Variants in TOM1 observed in about 807,000 individuals in gnomAD.
TOM1 encodes the protein target of myb1 membrane trafficking protein.
TOM1 carries 38 observed loss-of-function variants against 61.3 expected under a neutral mutation model. That is an observed-to-expected ratio of 0.62 (90% CI 0.48 to 0.81). The LOEUF (loss-of-function observed/expected upper bound fraction) is 0.81, where lower values mean the gene tolerates loss of function less well. TOM1 is among the 40% of genes least tolerant of loss of function. The probability of loss-of-function intolerance (pLI) is 0.00; values close to 1 mark genes in which losing one functional copy is unlikely to be tolerated. For missense variants in TOM1, 591 were observed against 659.6 expected, an observed-to-expected ratio of 0.90 and a Z score of 1.14; for synonymous variants, 270 against 268.8, an observed-to-expected ratio of 1.00 and a Z score of -0.04.
At chr22:35,331,604 C>T (rs1928850880) in intron 8 of TOM1, 1 of 240,480 alleles carries the variant, frequency 4.2e-6, no homozygotes, top group South Asian at 4.0e-5. Flanking sequence ...AGGAGAAGGG[C>T]TGGGCGCAGT....
intron 7 of TOM1, among the ~76,000 whole-genome samples, chr22:35,328,313 G>A (rs1928518850): frequency 1.3e-5 from 2 of 152,226 alleles, no homozygotes; most frequent in Non-Finnish European, 2.9e-5. Flanking sequence ...AAGGCCATGA[G>A]ATGTGAGCAG....
chr22:35,312,048 T>G (rs1427194329), intron 1 of TOM1, among the ~76,000 whole-genome samples: 1 of 149,520 alleles, frequency 6.7e-6, no homozygotes, highest in East Asian at 2.0e-4. Context: ...AGGTCAGGAG[T>G]TCAAGACCAG....
chr22:35,346,443 T>G (rs1930507113), intron 13 of TOM1, among the ~76,000 whole-genome samples: 1 of 152,228 alleles, frequency 6.6e-6, no homozygotes, highest in Non-Finnish European at 1.5e-5. Flanking sequence ...GACTCAGGCT[T>G]TCTGTCTGGT....
chr22:35,315,453 G>C (rs546959050), intron 1 of TOM1, among the ~76,000 whole-genome samples: 1 of 152,152 alleles, frequency 6.6e-6, no homozygotes, highest in Non-Finnish European at 1.5e-5. Flanking sequence ...TGTTTGGCCC[G>C]CTCTGTTCTT....
At chr22:35,331,429 C>A (rs1928838712) in intron 8 of TOM1, 1 of 417,066 alleles carries the variant, frequency 2.4e-6, no homozygotes, top group Non-Finnish European at 4.8e-6. Flanking sequence ...TTGTATCATT[C>A]TGTTCAAGAG....
chr22:35,332,985 G>A lies in TOM1; in HGVS notation c.904G>A (p.Glu302Lys). The A allele has an allele frequency of 3.1e-6, 5 of 1,614,182 alleles. No homozygotes were observed. Among genetic ancestry groups the A allele is most frequent in the Non-Finnish European group, 4.2e-6 (5 of 1,180,026 alleles). Reference protein sequence around the residue: ...NNVFLRHERFERFRTGQTTKA... With the variant: ...NNVFLRHERFKRFRTGQTTKA... ...CGTGTCTTTTCTGTCTTGTAGGTTTGAACGGTTCCGAACAGGCCAGACCAC... is the reference window on the plus strand; with the variant it reads ...CGTGTCTTTTCTGTCTTGTAGGTTTAAACGGTTCCGAACAGGCCAGACCAC... Residue 302 changes from glutamate to lysine, a missense_variant, in exon 9 of 15, where the codon GAA becomes AAA. By Grantham distance (56) the Glu-to-Lys change is moderately conservative. Transcript: ENST00000449058.
At chr22:35,345,836 A>C in intron 13 of TOM1, 52 bp downstream of exon 13, 3 of 1,590,328 alleles carry the variant, frequency 1.9e-6, no homozygotes, top group Non-Finnish European at 2.6e-6. Context: ...CGTTGTTCTC[A>C]CCAAGAAATG....
intron 1 of TOM1, among the ~76,000 whole-genome samples, chr22:35,310,351 G>C (rs190589247): frequency 6.6e-6 from 1 of 152,182 alleles, no homozygotes; most frequent in African/African-American, 2.4e-5. Context: ...TCAAGAGATC[G>C]AGACCATCCT....
chr22:35,345,484 C>G (rs1262478877), intron 12 of TOM1: 3 of 583,634 alleles, frequency 5.1e-6, no homozygotes, highest in Non-Finnish European at 9.2e-6. Context: ...GGGGAAGGAG[C>G]TCCCTCTGAC....
chr22:35,312,596 C>A (rs1328950322), intron 1 of TOM1, among the ~76,000 whole-genome samples: 1 of 152,206 alleles, frequency 6.6e-6, no homozygotes, highest in Non-Finnish European at 1.5e-5. Flanking sequence ...TCTCCATGCC[C>A]CTGAGTTTAT....
intron 11 of TOM1, among the ~76,000 whole-genome samples, chr22:35,337,803 T>A (rs1297808080): frequency 6.6e-6 from 1 of 152,212 alleles, no homozygotes; most frequent in Non-Finnish European, 1.5e-5. Flanking sequence ...GCTTACTTCT[T>A]TGCCTCAAAG....
intron 7 of TOM1, among the ~76,000 whole-genome samples, 167 bp downstream of exon 7, chr22:35,327,554 A>T (rs1417477670): frequency 1.3e-5 from 2 of 152,204 alleles, no homozygotes; most frequent in African/African-American, 4.8e-5. Flanking sequence ...GATTGGAATC[A>T]GATCGCAGCT....
chr22:35,337,351 A>G (rs183553474), intron 11 of TOM1, among the ~76,000 whole-genome samples: 2 of 152,314 alleles, frequency 1.3e-5, no homozygotes, highest in Admixed American at 1.3e-4. Context: ...AAGCACCTCC[A>G]GACCCTCAAT....
intron 12 of TOM1, among the ~76,000 whole-genome samples, chr22:35,343,362 C>CCA (rs770736121): frequency 2.0e-5 from 3 of 149,120 alleles, no homozygotes; most frequent in Non-Finnish European, 4.5e-5. Flanking sequence ...TCTACACCCA[C>CCA]CACACACCTC....
At chr22:35,333,113 C>T in intron 9 of TOM1, 99 bp downstream of exon 9, 1 of 1,299,928 alleles carries the variant, frequency 7.7e-7, no homozygotes, top group South Asian at 1.2e-5. Context: ...CAGGGTGGTG[C>T]TGTCTTATCC....
At chr22:35,338,426 T>C (rs1177218857) in intron 11 of TOM1, among the ~76,000 whole-genome samples, 1 of 152,152 alleles carries the variant, frequency 6.6e-6, no homozygotes, top group African/African-American at 2.4e-5. Flanking sequence ...ACTGGAGCTA[T>C]TTATCAGTCT....
intron 6 of TOM1, among the ~76,000 whole-genome samples, chr22:35,326,849 C>T (rs567637763): frequency 6.6e-6 from 1 of 150,912 alleles, no homozygotes; most frequent in Non-Finnish European, 1.5e-5. Context: ...GGAGAGAGGG[C>T]GGAATCCCAG....
At position 35,345,751 on chromosome 22, in the gene TOM1, G is replaced by A; in HGVS notation, c.1251G>A (p.Met417Ile). 6.2e-7 allele frequency: 1 copy of A among 1,614,164 alleles called. No homozygotes were observed. The highest frequency in any genetic ancestry group is 8.5e-7 in the Non-Finnish European group (1 of 1,180,024). Residue 417 changes from methionine (M) to isoleucine (I), a missense_variant, in exon 13 of 15, where the codon ATG becomes ATA. Transcript: ENST00000449058. ...GAIPVTQACL[M>I]EDIEQWLSTD... ...TCCCAGTCACCCAGGCCTGCCTCAT[G>A]GAGGACATCGAGCAGTGGCTGTCCA...
intron 1 of TOM1, among the ~76,000 whole-genome samples, chr22:35,315,550 A>C (rs11704301): frequency 0.12 from 18,130 of 152,208 alleles, 1,258 homozygotes; most frequent in South Asian, 0.16. Flanking sequence ...CAGGATGGAC[A>C]ACTCTGTCTC....
Sources: gnomAD v4.1 joint callset for allele counts (sites outside exome capture counted in the v4.1 genomes callset) on GRCh38, gnomAD v4.1.1 for gene constraint, MANE v1.5 for transcripts, NCBI Gene and HGNC (gene_info 2026-07-23, HGNC 2026-07-21) for gene names.